THEM5: variants seen among roughly 807,000 people sequenced by gnomAD.
The protein encoded by THEM5 is thioesterase superfamily member 5, also known as acyl-coenzyme A thioesterase THEM5.
In THEM5, 28 loss-of-function variants were observed where a neutral mutation model predicts 24.2. The observed-to-expected ratio is 1.16, with a 90% confidence interval of 0.86 to 1.59. THEM5 has a LOEUF of 1.59. THEM5 is among the 40% of genes most tolerant of loss of function. THEM5 has a pLI of 0.00. For missense variants in THEM5, 260 were observed against 296.8 expected, an observed-to-expected ratio of 0.88 and a Z score of 0.91; for synonymous variants, 87 against 114.5, an observed-to-expected ratio of 0.76 and a Z score of 1.53.
chr1:151,847,903 CG>C (rs1351689490), intron 4 of THEM5, 41 bp from the exon 5 acceptor site: 1 of 1,611,756 alleles, frequency 6.2e-7, no homozygotes, highest in South Asian at 1.1e-5. Flanking sequence ...CATGTGAACC[CG>C]GTTCCCCATC....
chr1:151,853,377 TG>T, intron 1 of THEM5, 65 bp downstream of exon 1: 1 of 1,551,074 alleles, frequency 6.4e-7, no homozygotes, highest in South Asian at 1.2e-5. Flanking sequence ...AGAGGAGATT[TG>T]GGGTGCTCCT....
At chr1:151,847,672 T>C in intron 5 of THEM5, 66 bp downstream of exon 5, 1 of 1,533,314 alleles carries the variant, frequency 6.5e-7, no homozygotes, top group Non-Finnish European at 8.9e-7. Flanking sequence ...CTTTTCTTCC[T>C]CCTGTTTGTT....
intron 1 of THEM5, 140 bp downstream of exon 1, chr1:151,853,303 T>G (rs577520656): frequency 5.1e-5 from 61 of 1,185,828 alleles, no homozygotes; most frequent in Non-Finnish European, 6.5e-5. Flanking sequence ...CCAGAGCACT[T>G]TCTCTTTGCC....
Position 151,849,017 on chromosome 1 carries a change from G to A in THEM5, c.465-725C>T, listed in dbSNP as rs556435623. ...GCAGATCACTTGATGTCAGGAGTTC[G>A]AGACCAGCTTGGCCAGTATGGTGAA... On this transcript the variant is annotated intron_variant, in intron 3 of 5. Transcript: ENST00000368817. Among the ~76,000 whole-genome samples the A allele has an allele frequency of 4.6e-5, 7 of 152,218 alleles. No individual in the cohort carries two copies. The South Asian group carries it at 8.3e-4, about 18-fold the overall frequency.
rs113479169 is a variant in THEM5, at chr1:151,847,553, G to GA, written c.701-140dup. On this transcript the variant is annotated intron_variant, in intron 5 of 5. Transcript: ENST00000368817. ...TTACAGGTTGGATAACTCATATATA[G>GA]AAAAAAAAATCCTAGTTCTGCTCTC... 1,219 of 1,367,906 alleles carry GA rather than the reference G, an allele frequency of 8.9e-4. 2 individuals carry two copies. The highest frequency in any genetic ancestry group is 3.1e-3 in the East Asian group (135 of 43,552). 84.7% of individuals were successfully genotyped at this position (1,367,906 alleles called of 1,614,324 possible).
rs111615522 is a variant in THEM5, at chr1:151,849,698, G to T, written c.464+1355C>A. On this transcript the variant is annotated intron_variant, in intron 3 of 5. Coordinates refer to ENST00000368817, the MANE Select transcript of THEM5 (RefSeq NM_182578.4). ...CAAATTGCTTGAAAGAGAGTGAAAA[G>T]AGTTGGTGTCAAAGAACTCGAAACC... Among the ~76,000 whole-genome samples, 646 of 152,278 alleles carry T rather than the reference G, an allele frequency of 4.2e-3. 3 individuals are homozygous for T. Among genetic ancestry groups the T allele is most frequent in the African/African-American group, 0.015 (630 of 41,546 alleles).
chr1:151,847,760 C>T lies in THEM5; in HGVS notation c.678G>A (p.Gln226=), dbSNP rs1329562053. 12 of 1,613,652 alleles carry T rather than the reference C, an allele frequency of 7.4e-6. No individual in the cohort carries two copies. The highest frequency in any genetic ancestry group is 1.0e-5 in the Non-Finnish European group (12 of 1,179,982). Residue 226 remains glutamine (Q), a synonymous_variant, in exon 5 of 6, where the codon CAG becomes CAA. Coordinates refer to ENST00000368817, the MANE Select transcript of THEM5 (RefSeq NM_182578.4). ...MSCIAHSRDQ[Q]TVYAKSSGVF... ...TACCTGAGGACTTGGCATAAACTGTCTGCTGGTCTCTGCTGTGGGCGATGC... is the reference window on the plus strand; with the variant it reads ...TACCTGAGGACTTGGCATAAACTGTTTGCTGGTCTCTGCTGTGGGCGATGC...
chr1:151,848,188 A>G lies in THEM5; in HGVS notation c.569T>C (p.Phe190Ser). The G allele has an allele frequency of 6.2e-7, 1 of 1,614,116 alleles. No individual in the cohort carries two copies. Among genetic ancestry groups the G allele is most frequent in the South Asian group, 1.1e-5 (1 of 91,080 alleles). Residue 190 changes from phenylalanine (F) to serine (S), a missense_variant, in exon 4 of 6, where the codon TTC becomes TCC. Phe to Ser is a radical substitution (Grantham distance 155). Coordinates refer to ENST00000368817, the MANE Select transcript of THEM5 (RefSeq NM_182578.4). Reference protein sequence around the residue: ...GLFTLSLNIRFKNLIPVDSLV... With the variant: ...GLFTLSLNIRSKNLIPVDSLV... ...CCCAGGGGCCCATACTTACTTTTTG[A>G]ACCTGATGTTGAGACTTAGTGTGAA...
At chr1:151,848,062 G>T in intron 4 of THEM5, 120 bp downstream of exon 4, 1 of 1,419,846 alleles carries the variant, frequency 7.0e-7, no homozygotes. Flanking sequence ...AATTGCTTGG[G>T]AGTGGGCTGG....
At chr1:151,847,676 G>C in intron 5 of THEM5, 62 bp downstream of exon 5, 1 of 1,446,258 alleles carries the variant, frequency 6.9e-7, no homozygotes, top group South Asian at 1.1e-5. Context: ...TCTTCCTCCT[G>C]TTTGTTCTGG....
chr1:151,849,162 T>C (rs1295477614), intron 3 of THEM5, among the ~76,000 whole-genome samples: 2 of 150,860 alleles, frequency 1.3e-5, no homozygotes, highest in Non-Finnish European at 2.9e-5. Flanking sequence ...GAGGTTGCAG[T>C]GAGCTGAGAT....
At chr1:151,850,036 C>A (rs7524706) in intron 3 of THEM5, among the ~76,000 whole-genome samples, 7 of 152,170 alleles carry the variant, frequency 4.6e-5, no homozygotes, top group Admixed American at 2.0e-4. Flanking sequence ...TCTGCACAGC[C>A]TAGTGTGTGG....
chr1:151,852,533 C>G, intron 1 of THEM5, 74 bp from the exon 2 acceptor site: 1 of 1,426,060 alleles, frequency 7.0e-7, no homozygotes, highest in Non-Finnish European at 9.8e-7. Context: ...GACCTCTAAA[C>G]AGCTGTTCCT....
intron 1 of THEM5, among the ~76,000 whole-genome samples, chr1:151,852,948 TGCCCACTGCTGTGG>T (rs1653167628): frequency 6.6e-6 from 1 of 152,186 alleles, no homozygotes; most frequent in South Asian, 2.1e-4. Flanking sequence ...ACTCCAGCTC[TGCCCACTGCTGTGG>T]GCCTGCCTGG....
In THEM5 at chr1:151,853,668, A is replaced by G; in HGVS notation, c.-103T>C. ...GGGCCGCTTCTCTCCCTTCTGTTGC[A>G]GGCTTTCTTTCAGAGAGCTAGGCGA... On this transcript the variant is annotated 5_prime_UTR_variant, in exon 1 of 6. Coordinates refer to ENST00000368817, the MANE Select transcript of THEM5 (RefSeq NM_182578.4). 7.0e-7 allele frequency: 1 copy of G among 1,437,410 alleles called. No individual in the cohort carries two copies. The highest frequency in any genetic ancestry group is 9.2e-7 in the Non-Finnish European group (1 of 1,084,508). 89.0% of individuals were successfully genotyped at this position (1,437,410 alleles called of 1,614,324 possible). A position where few individuals can be genotyped will look rare whatever the true frequency, so the allele number is the denominator to read the frequency against.
intron 2 of THEM5, 106 bp from the exon 3 acceptor site, chr1:151,851,297 C>T: frequency 7.0e-7 from 1 of 1,428,276 alleles, no homozygotes. Context: ...GGAGAGAAAA[C>T]CAGAGGACAC....
chr1:151,848,905 C>T (rs1471432040), intron 3 of THEM5, among the ~76,000 whole-genome samples: 1 of 152,236 alleles, frequency 6.6e-6, no homozygotes, highest in Non-Finnish European at 1.5e-5. Flanking sequence ...TCAAATGCCG[C>T]AGACATTTGC....
intron 2 of THEM5, among the ~76,000 whole-genome samples, chr1:151,852,003 T>G (rs964830832): frequency 2.0e-5 from 3 of 152,128 alleles, no homozygotes; most frequent in African/African-American, 7.2e-5. Context: ...CTGGGCTGGC[T>G]GTCCTCCAGT....
chr1:151,850,731 C>T (rs1178419158), intron 3 of THEM5, among the ~76,000 whole-genome samples: 3 of 152,206 alleles, frequency 2.0e-5, no homozygotes, highest in African/African-American at 7.2e-5. Flanking sequence ...AGCAGCCAGG[C>T]AGGACACCAA....
Sources: allele counts gnomAD v4.1 joint callset (sites outside exome capture counted in the v4.1 genomes callset), GRCh38; gene constraint gnomAD v4.1.1; transcripts MANE v1.5; gene names NCBI Gene and HGNC (gene_info 2026-07-23, HGNC 2026-07-21).